ANK3: variants seen among roughly 807,000 people sequenced by gnomAD.
The protein encoded by ANK3 is ankyrin-3.
A neutral mutation model predicts 370.9 loss-of-function variants in ANK3; 57 were observed. The observed-to-expected ratio is 0.15, with a 90% CI of 0.12 to 0.19. ANK3 has a LOEUF of 0.19. Among genes scored for constraint, ANK3 ranks in the 10% least tolerant of loss-of-function variants. The pLI is 1.00. For missense variants in ANK3, 4,439 were observed against 5,302.1 expected, an observed-to-expected ratio of 0.84 and a Z score of 5.06; for synonymous variants, 1,929 against 1,946.3, an observed-to-expected ratio of 0.99 and a Z score of 0.23.
At chr10:60,459,320 AC>A (rs1484341342) in intron 2 of ANK3, among the ~76,000 whole-genome samples, 1 of 152,060 alleles carries the variant, frequency 6.6e-6, no homozygotes, top group Non-Finnish European at 1.5e-5. Flanking sequence ...TGTCTCATTC[AC>A]CATATTTCTC....
rs534095923 is a variant in ANK3, at chr10:60,728,678, T to C, written c.57+4585A>G. ...GAAGAAATGGAAGCTCAGGAAGTGATACATTTCTGAGGTTACAGAACTAGT... is the reference window on the plus strand; with the variant it reads ...GAAGAAATGGAAGCTCAGGAAGTGACACATTTCTGAGGTTACAGAACTAGT... On this transcript the variant is annotated intron_variant, in intron 1 of 43. Transcript: ENST00000373827. Among the ~76,000 whole-genome samples the C allele has an allele frequency of 6.6e-5, 10 of 152,326 alleles. No individual in the cohort carries two copies. In the South Asian group the frequency reaches 1.7e-3, roughly 25 times the overall value.
chr10:60,161,116 G>C (rs144717701), intron 23 of ANK3, among the ~76,000 whole-genome samples: 22 of 152,188 alleles, frequency 1.4e-4, no homozygotes, highest in Admixed American at 4.6e-4. Flanking sequence ...ATTTGCAGAT[G>C]ATAAAATCTT....
At chr10:60,042,914 A>T in intron 42 of ANK3, 155 bp from the exon 43 acceptor site, 2 of 1,459,562 alleles carry the variant, frequency 1.4e-6, no homozygotes, top group Non-Finnish European at 1.8e-6. Flanking sequence ...CTTTAGCTTA[A>T]CCACACAGTT....
At chr10:60,598,995 C>A (rs2078025300) in intron 2 of ANK3, among the ~76,000 whole-genome samples, 2 of 152,286 alleles carry the variant, frequency 1.3e-5, no homozygotes, top group South Asian at 4.1e-4. Flanking sequence ...GTGGCACAAA[C>A]ATGGCTCATT....
chr10:60,280,488 A>T (rs998500222), intron 1 of ANK3, among the ~76,000 whole-genome samples: 1 of 152,242 alleles, frequency 6.6e-6, no homozygotes, highest in African/African-American at 2.4e-5. Context: ...GAACAACAAG[A>T]CATGTAATTC....
intron 1 of ANK3, among the ~76,000 whole-genome samples, chr10:60,649,134 A>G (rs570630605): frequency 6.6e-6 from 1 of 152,100 alleles, no homozygotes; most frequent in Non-Finnish European, 1.5e-5. Context: ...AGATACCCCA[A>G]CATAGCTTCC....
At chr10:60,100,429 T>C (rs574826683) in intron 28 of ANK3, among the ~76,000 whole-genome samples, 4 of 152,164 alleles carry the variant, frequency 2.6e-5, no homozygotes, top group African/African-American at 7.2e-5. Flanking sequence ...ATTGGTCTCA[T>C]GGCAAAAACA....
chr10:60,425,363 A>G (rs1044048400), intron 2 of ANK3, among the ~76,000 whole-genome samples: 5 of 152,150 alleles, frequency 3.3e-5, no homozygotes, highest in African/African-American at 1.2e-4. Flanking sequence ...ACAAAACTAT[A>G]AAATAAGTAT....
chr10:60,537,550 A>G (rs2076752087), intron 2 of ANK3, among the ~76,000 whole-genome samples: 1 of 151,906 alleles, frequency 6.6e-6, no homozygotes, highest in Admixed American at 6.6e-5. Context: ...CTCTTAGTAT[A>G]TATTGCAATA....
chr10:60,730,101 A>T (rs1057341023), intron 1 of ANK3, among the ~76,000 whole-genome samples: 3 of 152,156 alleles, frequency 2.0e-5, no homozygotes, highest in African/African-American at 4.8e-5. Context: ...TCTAATCAGG[A>T]AAAAAGATGC....
At chr10:60,108,679 C>A (rs2092430234) in intron 27 of ANK3, 151 bp downstream of exon 27, 1 of 675,112 alleles carries the variant, frequency 1.5e-6, no homozygotes, top group Non-Finnish European at 2.5e-6. Context: ...CACAGAATCA[C>A]ACAGCTTTGT....
intron 1 of ANK3, among the ~76,000 whole-genome samples, chr10:60,640,417 G>A (rs2078616141): frequency 6.9e-6 from 1 of 144,154 alleles, no homozygotes; most frequent in South Asian, 2.4e-4. Context: ...AAATCCAGCA[G>A]CACATCAAAA....
At chr10:60,413,049 T>C (rs555637100) in intron 2 of ANK3, among the ~76,000 whole-genome samples, 1 of 152,342 alleles carries the variant, frequency 6.6e-6, no homozygotes, top group African/African-American at 2.4e-5. Context: ...CAATAAAACC[T>C]GACTTTACAA....
chr10:60,517,531 T>C (rs762314262), intron 2 of ANK3, among the ~76,000 whole-genome samples: 2 of 152,134 alleles, frequency 1.3e-5, no homozygotes, highest in Non-Finnish European at 2.9e-5. Flanking sequence ...ATGTATTTAT[T>C]ACCTGCCCAA....
At chr10:60,606,897 C>A (rs1471791948) in intron 2 of ANK3, among the ~76,000 whole-genome samples, 1 of 152,182 alleles carries the variant, frequency 6.6e-6, no homozygotes, top group African/African-American at 2.4e-5. Flanking sequence ...GTGACTCTCA[C>A]TGCTCCCCAG....
intron 1 of ANK3, among the ~76,000 whole-genome samples, chr10:60,636,031 C>T (rs2078550296): frequency 6.6e-6 from 1 of 151,970 alleles, no homozygotes; most frequent in Non-Finnish European, 1.5e-5. Context: ...TGAAAAGTAG[C>T]CCAATAAATT....
At chr10:60,443,668 T>C (rs1395872329) in intron 2 of ANK3, among the ~76,000 whole-genome samples, 1 of 152,178 alleles carries the variant, frequency 6.6e-6, no homozygotes, top group African/African-American at 2.4e-5. Context: ...TAAAAGCCTT[T>C]GACATTCCAA....
intron 1 of ANK3, among the ~76,000 whole-genome samples, chr10:60,685,724 C>T (rs929380902): frequency 4.6e-5 from 7 of 152,250 alleles, no homozygotes; most frequent in Admixed American, 2.6e-4. Flanking sequence ...CAGGACTAGA[C>T]AAACTATGAA....
intron 8 of ANK3, among the ~76,000 whole-genome samples, chr10:60,213,883 TTTCCA>T (rs1333395187): frequency 6.6e-6 from 1 of 152,172 alleles, no homozygotes; most frequent in Non-Finnish European, 1.5e-5. Flanking sequence ...ATTGGTTCTT[TTTCCA>T]TTCCATTTCC....
Sources: allele counts gnomAD v4.1 joint callset (sites outside exome capture counted in the v4.1 genomes callset), GRCh38; gene constraint gnomAD v4.1.1; transcripts MANE v1.5; gene names NCBI Gene and HGNC (gene_info 2026-07-23, HGNC 2026-07-21).